SPPL2A: variants seen among roughly 807,000 people sequenced by gnomAD.
SPPL2A encodes the protein signal peptide peptidase-like 2A.
SPPL2A carries 51 observed loss-of-function variants against 63.8 expected under a neutral mutation model. The observed-to-expected ratio is 0.80, with a 90% CI of 0.64 to 1.01. The LOEUF (loss-of-function observed/expected upper bound fraction) is 1.01, where lower values mean the gene tolerates loss of function less well. Among genes scored for constraint, SPPL2A ranks in the 50% least tolerant of loss-of-function variants. SPPL2A has a pLI of 0.00. For synonymous variants in SPPL2A, 188 were observed against 205.8 expected (o/e 0.91, Z 0.74); for missense variants, 553 against 622.7 (o/e 0.89, Z 1.19).
Position 50,732,606 on chromosome 15 carries a change from G to A in SPPL2A, c.1011C>T (p.Phe337=). Residue 337 remains phenylalanine, a synonymous_variant, in exon 9 of 15, where the codon TTC becomes TTT. Transcript: ENST00000261854. ...AAAGTAGTATTGTATACATTACCTT[G>A]AAGTTGGGCAACTTCAGTGTTTTAA... ...NLIKTLKLPN[F]KSCVILLGLL... is the part of the protein sequence containing the mutation. 6.3e-7 allele frequency: 1 copy of A among 1,583,212 alleles called. No homozygotes were observed. The highest frequency in any genetic ancestry group is 8.7e-7 in the Non-Finnish European group (1 of 1,153,540).
At chr15:50,721,678 C>T (rs893666250) in intron 13 of SPPL2A, among the ~76,000 whole-genome samples, 6 of 151,308 alleles carry the variant, frequency 4.0e-5, no homozygotes, top group Admixed American at 3.3e-4. Context: ...AATCTTGGCT[C>T]ACTGCAACCT....
At chr15:50,717,169 TTTTG>T (rs1410709650) in intron 14 of SPPL2A, among the ~76,000 whole-genome samples, 4 of 152,250 alleles carry the variant, frequency 2.6e-5, no homozygotes, top group South Asian at 2.1e-4. Flanking sequence ...ATCACTTCTT[TTTTG>T]TTTGTGTTTT....
At chr15:50,736,020 A>T (rs1596387170) in intron 8 of SPPL2A, 81 bp downstream of exon 8, 16 of 897,998 alleles carry the variant, frequency 1.8e-5, no homozygotes, top group Middle Eastern at 5.1e-4. Context: ...AAAAAATTCC[A>T]TAATAATCAT....
intron 11 of SPPL2A, 49 bp from the exon 12 acceptor site, chr15:50,725,372 C>A: frequency 1.0e-6 from 1 of 989,364 alleles, no homozygotes; most frequent in South Asian, 1.4e-5. Flanking sequence ...AAAAACAAAA[C>A]AGAGGCCGCC....
At chr15:50,752,728 AAAC>A (rs1426157698) in intron 1 of SPPL2A, among the ~76,000 whole-genome samples, 9 of 151,806 alleles carry the variant, frequency 5.9e-5, no homozygotes, top group Admixed American at 2.6e-4. Context: ...AAAAAAAAAA[AAAC>A]AACCCAAAAA....
At chr15:50,760,262 T>C (rs1239141571) in intron 1 of SPPL2A, among the ~76,000 whole-genome samples, 2 of 151,978 alleles carry the variant, frequency 1.3e-5, no homozygotes, top group African/African-American at 4.8e-5. Context: ...TGATGTCTTT[T>C]TTTTTTTTTA....
At chr15:50,752,106 C>T (rs985130046) in intron 1 of SPPL2A, among the ~76,000 whole-genome samples, 2 of 152,056 alleles carry the variant, frequency 1.3e-5, no homozygotes, top group African/African-American at 4.8e-5. Flanking sequence ...ACTGGGATAA[C>T]AGGTGTGAGC....
At chr15:50,750,434 G>A (rs1278713435) in intron 1 of SPPL2A, among the ~76,000 whole-genome samples, 5 of 151,996 alleles carry the variant, frequency 3.3e-5, no homozygotes, top group East Asian at 1.9e-4. Context: ...TCTGTCTTAC[G>A]TTCCATATTC....
intron 6 of SPPL2A, among the ~76,000 whole-genome samples, chr15:50,739,130 T>A (rs895380437): frequency 1.3e-5 from 2 of 151,022 alleles, no homozygotes; most frequent in African/African-American, 2.4e-5. Context: ...TTATTTCAAG[T>A]CATCCATGAA....
intron 10 of SPPL2A, among the ~76,000 whole-genome samples, chr15:50,726,751 A>G (rs2062691066): frequency 6.6e-6 from 1 of 152,222 alleles, no homozygotes; most frequent in South Asian, 2.1e-4. Flanking sequence ...ATATGTTCTT[A>G]GCAGTTTTCA....
At chr15:50,717,672 CAGCATTAT>C (rs2062608007) in intron 14 of SPPL2A, among the ~76,000 whole-genome samples, 1 of 152,188 alleles carries the variant, frequency 6.6e-6, no homozygotes, top group African/African-American at 2.4e-5. Context: ...ACCCTCTACT[CAGCATTAT>C]AGCCATCCTA....
At chr15:50,760,838 GA>G (rs1318392231) in intron 1 of SPPL2A, among the ~76,000 whole-genome samples, 1 of 152,114 alleles carries the variant, frequency 6.6e-6, no homozygotes, top group Admixed American at 6.6e-5. Context: ...AAGAATTGAA[GA>G]ATCTTTGAGT....
At chr15:50,735,766 G>A (rs183199990) in intron 8 of SPPL2A, among the ~76,000 whole-genome samples, 20 of 152,062 alleles carry the variant, frequency 1.3e-4, no homozygotes, top group Admixed American at 7.9e-4. Flanking sequence ...TAGTAGAGAC[G>A]GGGTTTCTCC....
chr15:50,720,564 G>T (rs2062638130), intron 13 of SPPL2A, among the ~76,000 whole-genome samples: 1 of 140,682 alleles, frequency 7.1e-6, no homozygotes, highest in Non-Finnish European at 1.5e-5. Flanking sequence ...TTGTTGCCCA[G>T]GCTGGAGTGC....
intron 14 of SPPL2A, among the ~76,000 whole-genome samples, chr15:50,708,835 G>A (rs573984708): frequency 3.3e-5 from 5 of 151,746 alleles, no homozygotes; most frequent in African/African-American, 1.2e-4. Flanking sequence ...AGATCCAGAT[G>A]GTCCTGGCTA....
Position 50,736,091 on chromosome 15 carries a change from G to A in SPPL2A, c.932+10C>T. 2 of 1,479,668 alleles carry A rather than the reference G, an allele frequency of 1.4e-6. No individual in the cohort carries two copies. The highest frequency in any genetic ancestry group is 1.9e-6 in the Non-Finnish European group (2 of 1,059,860). 91.7% of individuals were successfully genotyped at this position (1,479,668 alleles called of 1,614,324 possible). A position where few individuals can be genotyped will look rare whatever the true frequency, so the allele number is the denominator to read the frequency against. Reference sequence around the variant, plus strand: ...CTTAATCTAAAAGCAAATACATTGAGTATTCATACCTGTCTTCATTTCGAA... The same window carrying A: ...CTTAATCTAAAAGCAAATACATTGAATATTCATACCTGTCTTCATTTCGAA... On this transcript the variant is annotated intron_variant, in intron 8 of 14. Coordinates refer to ENST00000261854, the MANE Select transcript of SPPL2A (RefSeq NM_032802.4).
At chr15:50,735,256 A>G (rs1032458541) in intron 8 of SPPL2A, among the ~76,000 whole-genome samples, 2 of 152,086 alleles carry the variant, frequency 1.3e-5, no homozygotes, top group African/African-American at 4.8e-5. Context: ...TACGTTTGAG[A>G]TTCATTCACG....
intron 5 of SPPL2A, among the ~76,000 whole-genome samples, chr15:50,741,084 CTAA>C (rs79780657): frequency 6.6e-6 from 1 of 152,086 alleles, no homozygotes; most frequent in Non-Finnish European, 1.5e-5. Flanking sequence ...GGCCACAGAG[CTAA>C]TAATAGAGAC....
At position 50,741,105 on chromosome 15, in the gene SPPL2A, G is replaced by A. The variant is rs553617372; in HGVS notation, c.585-1277C>T. On this transcript the variant is annotated intron_variant, in intron 5 of 14. Coordinates refer to ENST00000261854, the MANE Select transcript of SPPL2A (RefSeq NM_032802.4). ...AGAGCTAATAATAGAGACAGAAGTC[G>A]AGGAGGAAAAGAACTGCAACTGTTG... is the stretch of plus-strand genomic sequence containing the variant. Among the ~76,000 whole-genome samples the A allele has an allele frequency of 7.2e-5, 11 of 152,224 alleles. No individual in the cohort carries two copies. In the East Asian group the frequency reaches 2.1e-3, roughly 29 times the overall value.
Sources: gnomAD v4.1 joint callset for allele counts (sites outside exome capture counted in the v4.1 genomes callset) on GRCh38, gnomAD v4.1.1 for gene constraint, MANE v1.5 for transcripts, NCBI Gene and HGNC (gene_info 2026-07-23, HGNC 2026-07-21) for gene names.